Variants in EVC2 observed in about 807,000 individuals in gnomAD.
EVC2 encodes the protein EvC ciliary complex subunit 2.
EVC2 carries 148 observed loss-of-function variants against 149.3 expected under a neutral mutation model. The ratio of observed to expected loss-of-function variants is 0.99; its 90% CI spans 0.87 to 1.14. The LOEUF is 1.14. EVC2 is among the 50% of genes most tolerant of loss of function. The pLI, the probability that EVC2 is intolerant of heterozygous loss-of-function variation, is 0.00. For synonymous variants in EVC2, 776 were observed against 649.9 expected, an observed-to-expected ratio of 1.19 and a Z score of -2.95; for missense variants, 1,854 against 1,627.3, an observed-to-expected ratio of 1.14 and a Z score of -2.40.
chr4:5,580,789 T>C (rs1711687778), intron 17 of EVC2, among the ~76,000 whole-genome samples: 1 of 276 alleles, frequency 3.6e-3, no homozygotes, highest in South Asian at 0.12. Context: ...TAAATTCAAT[T>C]AAAGACTGAA....
At chr4:5,571,154 G>A (rs28579516) in intron 19 of EVC2, among the ~76,000 whole-genome samples, 21,846 of 151,256 alleles carry the variant, frequency 0.14, 3,513 homozygotes, top group African/African-American at 0.4. Context: ...CGTCTCTACT[G>A]AAAATACAAA....
rs144778121 is a variant in EVC2, at chr4:5,568,260, G to A, written c.3557+184C>T. On this transcript the variant is annotated intron_variant, in intron 20 of 21. Coordinates refer to ENST00000344408, the MANE Select transcript of EVC2 (RefSeq NM_147127.5). ...TTTTTTTTTACGTTTTCTTTAATGG[G>A]CATGCATGAAATATTTATGGCTCTG... Among the ~76,000 whole-genome samples, 1,400 of 151,812 alleles carry A rather than the reference G, an allele frequency of 9.2e-3. 21 individuals are homozygous for A. Among genetic ancestry groups the A allele is most frequent in the African/African-American group, 0.032 (1,343 of 41,360 alleles).
At position 5,576,041 on chromosome 4, in the gene EVC2, T is replaced by C. The variant is rs975056678; in HGVS notation, c.3272+199A>G. 6.6e-6 allele frequency among the ~76,000 whole-genome samples: 1 copy of C among 152,170 alleles called. No individual in the cohort carries two copies. The highest frequency in any genetic ancestry group is 2.4e-5 in the African/African-American group (1 of 41,434). On this transcript the variant is annotated intron_variant, in intron 18 of 21. Coordinates refer to ENST00000344408, the MANE Select transcript of EVC2 (RefSeq NM_147127.5). The surrounding 1 kb of genome is among the most constrained non-coding windows in gnomAD (Gnocchi z 4.5). ...ATTACGTTTGGTAAAACTTCAATGA[T>C]ATTAAATTTAAAAAAGAAGGGCATC... is the stretch of plus-strand genomic sequence containing the variant.
intron 9 of EVC2, among the ~76,000 whole-genome samples, chr4:5,642,290 A>G (rs2108866596): frequency 1.3e-5 from 2 of 152,326 alleles, no homozygotes; most frequent in Middle Eastern, 6.8e-3. Flanking sequence ...ACATTTTGTC[A>G]TATTTTCTTC....
intron 16 of EVC2, among the ~76,000 whole-genome samples, chr4:5,609,454 C>T (rs1016299387): frequency 1.3e-5 from 2 of 152,188 alleles, no homozygotes; most frequent in Non-Finnish European, 2.9e-5. Flanking sequence ...TCTCTTGGCA[C>T]CTGCCACAAT....
intron 1 of EVC2, 134 bp downstream of exon 1, chr4:5,708,152 G>T: frequency 1.3e-6 from 1 of 763,290 alleles, no homozygotes; most frequent in Non-Finnish European, 1.9e-6. Context: ...TAAGGGCCGC[G>T]AAGCACCCTA....
chr4:5,652,656 C>T (rs1718230086), intron 9 of EVC2, among the ~76,000 whole-genome samples: 1 of 152,088 alleles, frequency 6.6e-6, no homozygotes. Context: ...AGGGAGATGG[C>T]AGGGAGGGTC....
In EVC2 at chr4:5,685,381, T is replaced by C. The variant is rs1426619132; in HGVS notation, c.805A>G (p.Ser269Gly). The C allele has an allele frequency of 6.2e-7, 1 of 1,614,068 alleles. No homozygotes were observed. Among genetic ancestry groups the C allele is most frequent in the East Asian group, 2.2e-5 (1 of 44,892 alleles). ...AACAAAGGTCATACCCGTGACGAGC[T>C]CTGAAAGGTGAGTTGGGCAGGAAGC... The part of the protein sequence containing the change: ...LKLPAQLTFQ[S>G]SSRNRTQLKV... The change falls in exon 6 of 22, where the codon AGC (serine) becomes GGC (glycine). Residue 269 changes from serine (S) to glycine (G), a missense_variant. Transcript: ENST00000344408.
At chr4:5,571,241 C>A (rs1408551378) in intron 19 of EVC2, among the ~76,000 whole-genome samples, 1 of 141,278 alleles carries the variant, frequency 7.1e-6, no homozygotes, top group African/African-American at 2.7e-5. Context: ...TCGCTTGAAC[C>A]AGGGAGGTGG....
chr4:5,595,664 C>T (rs13116759), intron 16 of EVC2, among the ~76,000 whole-genome samples: 49,836 of 151,974 alleles, frequency 0.33, 9,209 homozygotes, highest in South Asian at 0.45. Flanking sequence ...CATCAACTAA[C>T]GAGCAAAATA....
chr4:5,708,815 C>T, upstream of EVC2: 1 of 299,836 alleles, frequency 3.3e-6, no homozygotes, highest in Non-Finnish European at 6.1e-6. Context: ...AAGGGCCCCT[C>T]CGCTACCGCC....
intron 11 of EVC2, among the ~76,000 whole-genome samples, chr4:5,631,507 T>C (rs1445340245): frequency 6.6e-6 from 1 of 151,502 alleles, no homozygotes; most frequent in African/African-American, 2.4e-5. Context: ...ACTCATCTTA[T>C]AAGTGACGAA....
chr4:5,538,831 G>T (rs144281709), downstream of EVC2, among the ~76,000 whole-genome samples: 3 of 152,128 alleles, frequency 2.0e-5, no homozygotes, highest in South Asian at 2.1e-4. Flanking sequence ...TACAGTAAAG[G>T]TTATCCACGA....
rs188703961 is a variant in EVC2, at chr4:5,689,646, T to A, written c.520-303A>T. On this transcript the variant is annotated intron_variant, in intron 4 of 21. Transcript: ENST00000344408. ...ATCTCCAAGTGCAGAACCAGTCAGG[T>A]TGGGGAAATTGTGATAACCAGTGTT... Among the ~76,000 whole-genome samples the A allele has an allele frequency of 9.2e-5, 14 of 152,234 alleles. No individual in the cohort carries two copies. The East Asian group carries it at 2.3e-3, about 25-fold the overall frequency.
rs528675498 is a variant in EVC2, at chr4:5,628,502, TAGC to T, written c.1886+54_1886+56del. 6,774 of 1,594,124 alleles carry T rather than the reference TAGC, an allele frequency of 4.2e-3. 26 individuals are homozygous for T. The highest frequency in any genetic ancestry group is 5.4e-3 in the Non-Finnish European group (6,236 of 1,162,790). On this transcript the variant is annotated intron_variant, in intron 12 of 21. Coordinates refer to ENST00000344408, the MANE Select transcript of EVC2 (RefSeq NM_147127.5). ...TTACCCAGTCTGTGGTATTCTGTCATAGCAGCAGAAAACAGACTAAGACAGTTC... is the reference window on the plus strand; with the variant it reads ...TTACCCAGTCTGTGGTATTCTGTCATAGCAGAAAACAGACTAAGACAGTTC...
chr4:5,567,367 G>T lies in EVC2; in HGVS notation c.3557+1077C>A, dbSNP rs964989116. On this transcript the variant is annotated intron_variant, in intron 20 of 21. Transcript: ENST00000344408. The surrounding 1 kb of genome is among the most constrained non-coding windows in gnomAD (Gnocchi z 4.4). ...TTGGGGTCAGATACTCTGATAAAAA[G>T]TATCTCTGATAAGGAAAACATTACC... 2.6e-5 allele frequency among the ~76,000 whole-genome samples: 4 copies of T among 152,114 alleles called. No individual in the cohort carries two copies. The highest frequency in any genetic ancestry group is 4.4e-5 in the Non-Finnish European group (3 of 68,036).
intron 12 of EVC2, among the ~76,000 whole-genome samples, chr4:5,626,419 C>T (rs1197944115): frequency 6.6e-5 from 10 of 151,340 alleles, no homozygotes; most frequent in African/African-American, 2.4e-4. Flanking sequence ...CTGCAACCTC[C>T]GCCCCTCCAA....
intron 7 of EVC2, among the ~76,000 whole-genome samples, chr4:5,669,983 C>T (rs1719532379): frequency 6.6e-6 from 1 of 152,190 alleles, no homozygotes; most frequent in African/African-American, 2.4e-5. Context: ...GTAGAGCCTA[C>T]CTCCATGGGG....
intron 9 of EVC2, among the ~76,000 whole-genome samples, chr4:5,652,073 CAT>C (rs1477747474): frequency 2.0e-5 from 3 of 152,202 alleles, no homozygotes; most frequent in African/African-American, 4.8e-5. Flanking sequence ...CTTTTCAGCA[CAT>C]GTGACCCAAC....
Sources: allele counts gnomAD v4.1 joint callset (sites outside exome capture counted in the v4.1 genomes callset), GRCh38; gene constraint gnomAD v4.1.1; non-coding constraint Gnocchi (gnomAD v3.1); transcripts MANE v1.5; gene names NCBI Gene and HGNC (gene_info 2026-07-23, HGNC 2026-07-21).